The following COL5A1 variants were observed in gnomAD, a reference collection of about 807,000 sequenced individuals.
COL5A1 encodes collagen type V alpha 1 chain, also known as collagen alpha-1(V) chain.
Under a neutral mutation model 263.7 loss-of-function variants are expected in COL5A1, and 16 were observed. The observed-to-expected ratio is 0.06, with a 90% confidence interval of 0.04 to 0.09. The LOEUF (loss-of-function observed/expected upper bound fraction) is 0.09, where lower values mean the gene tolerates loss of function less well. COL5A1 is among the 10% of genes least tolerant of loss of function. The pLI is 1.00. For synonymous variants in COL5A1, 1,012 were observed against 1,004.5 expected (o/e 1.01, Z -0.14); for missense variants, 2,036 against 2,540.5 (o/e 0.80, Z 4.27).
chr9:134,742,133 A>G lies in COL5A1; in HGVS notation c.1494+3325A>G, dbSNP rs570223375. Among the ~76,000 whole-genome samples, 7 of 152,162 alleles carry G rather than the reference A, an allele frequency of 4.6e-5. No individual in the cohort carries two copies. The East Asian group carries it at 1.2e-3, about 25-fold the overall frequency. Reference sequence around the variant, plus strand: ...TGGCCCTGGGTGTTGCTTCCTTCACACACTCTGGTGAGCCCTGCACACTCT... The same window carrying G: ...TGGCCCTGGGTGTTGCTTCCTTCACGCACTCTGGTGAGCCCTGCACACTCT... On this transcript the variant is annotated intron_variant, in intron 11 of 65. Transcript: ENST00000371817. The surrounding 1 kb of genome is among the most constrained non-coding windows in gnomAD (Gnocchi z 4.6).
At chr9:134,784,602 G>A (rs549033563) in intron 29 of COL5A1, among the ~76,000 whole-genome samples, 6 of 152,386 alleles carry the variant, frequency 3.9e-5, no homozygotes, top group African/African-American at 1.4e-4. Flanking sequence ...AGCAGCAGCA[G>A]CTCCCAGTCA....
At chr9:134,733,090 G>T (rs1392608793) in intron 9 of COL5A1, among the ~76,000 whole-genome samples, 1 of 152,204 alleles carries the variant, frequency 6.6e-6, no homozygotes, top group African/African-American at 2.4e-5. Context: ...CAGTCATGAG[G>T]CTGGGGGCAG....
intron 1 of COL5A1, among the ~76,000 whole-genome samples, chr9:134,648,135 T>C (rs1831537762): frequency 6.6e-6 from 1 of 151,902 alleles, no homozygotes; most frequent in Non-Finnish European, 1.5e-5. Flanking sequence ...CCAGCCTACA[T>C]CTTTCTCCTG....
At position 134,821,904 on chromosome 9, in the gene COL5A1, G is replaced by A. The variant is rs1255820821; in HGVS notation, c.4555-193G>A. ...GAGGGCTGGCAGCCTTGGGGTGGAT[G>A]CTCAGGTCGATGGCTCCCCTGACAT... On this transcript the variant is annotated intron_variant, in intron 58 of 65. Coordinates refer to ENST00000371817, the MANE Select transcript of COL5A1 (RefSeq NM_000093.5). The surrounding 1 kb of genome is among the most constrained non-coding windows in gnomAD (Gnocchi z 4.2). 6.6e-6 allele frequency among the ~76,000 whole-genome samples: 1 copy of A among 152,222 alleles called. No homozygotes were observed. The highest frequency in any genetic ancestry group is 1.5e-5 in the Non-Finnish European group (1 of 68,050).
intron 1 of COL5A1, among the ~76,000 whole-genome samples, chr9:134,685,432 AT>A (rs1564386432): frequency 2.8e-5 from 1 of 36,254 alleles, no homozygotes; most frequent in African/African-American, 1.2e-4. Context: ...CCATCCATCC[AT>A]CCATCCATTG....
At chr9:134,661,848 C>A (rs1413725546) in intron 1 of COL5A1, among the ~76,000 whole-genome samples, 1 of 152,208 alleles carries the variant, frequency 6.6e-6, no homozygotes, top group African/African-American at 2.4e-5. Flanking sequence ...GTTCCTCCGA[C>A]CGCTTCTTCC....
chr9:134,774,992 G>T (rs546901510), intron 27 of COL5A1, 80 bp downstream of exon 27: 33 of 1,326,322 alleles, frequency 2.5e-5, no homozygotes, highest in Non-Finnish European at 3.4e-5. Context: ...TGGTTTTAGG[G>T]AATTCTCTGT....
chr9:134,776,208 C>T (rs545048731), intron 27 of COL5A1, among the ~76,000 whole-genome samples: 6 of 152,284 alleles, frequency 3.9e-5, no homozygotes, highest in Non-Finnish European at 7.4e-5. Context: ...CTTCTACCAG[C>T]AAAATGCCTA....
At chr9:134,718,660 T>C (rs1425783787) in intron 4 of COL5A1, among the ~76,000 whole-genome samples, 1 of 152,154 alleles carries the variant, frequency 6.6e-6, no homozygotes, top group Non-Finnish European at 1.5e-5. Context: ...CCACGGCCGT[T>C]CTGTGTGCAG....
intron 1 of COL5A1, among the ~76,000 whole-genome samples, chr9:134,655,327 G>T (rs1288288026): frequency 1.3e-5 from 2 of 151,956 alleles, no homozygotes; most frequent in Non-Finnish European, 2.9e-5. Flanking sequence ...GGGAGGCGGA[G>T]GTGGAGCTCA....
At position 134,830,008 on chromosome 9, in the gene COL5A1, G is replaced by C. The variant is rs371875408; in HGVS notation, c.5100G>C (p.Pro1700=). ...TCACTTCTTGGCCCAAAGAAAACCC[G>C]GGCTCCTGGTTCAGTGAATTCAAGC... is the stretch of plus-strand genomic sequence containing the variant. ...ARITSWPKEN[P]GSWFSEFKRG... Residue 1700 remains proline (P), a synonymous_variant, in exon 64 of 66, where the codon CCG becomes CCC. Coordinates refer to ENST00000371817, the MANE Select transcript of COL5A1 (RefSeq NM_000093.5). The C allele has an allele frequency of 6.2e-7, 1 of 1,613,948 alleles. No homozygotes were observed. Among genetic ancestry groups the C allele is most frequent in the South Asian group, 1.1e-5 (1 of 91,030 alleles).
At chr9:134,760,818 A>T (rs1836384712) in intron 18 of COL5A1, among the ~76,000 whole-genome samples, 1 of 144,676 alleles carries the variant, frequency 6.9e-6, no homozygotes, top group Non-Finnish European at 1.5e-5. Flanking sequence ...ACACCCCCAC[A>T]TGCATACACA....
intron 1 of COL5A1, among the ~76,000 whole-genome samples, chr9:134,658,713 CG>C (rs964953276): frequency 6.6e-6 from 1 of 152,026 alleles, no homozygotes; most frequent in Admixed American, 6.5e-5. Context: ...TGGAGGGTGG[CG>C]GGGGGTGGGG....
intron 63 of COL5A1, among the ~76,000 whole-genome samples, chr9:134,826,845 GGTGTGTGGGT>G (rs574944731): frequency 4.2e-3 from 631 of 151,530 alleles, no homozygotes; most frequent in Middle Eastern, 0.01. Flanking sequence ...ATGTGTATAT[GGTGTGTGGGT>G]GTGTGTGGCT....
chr9:134,710,135 C>T (rs1192227632), intron 4 of COL5A1, among the ~76,000 whole-genome samples: 4 of 152,234 alleles, frequency 2.6e-5, no homozygotes, highest in Non-Finnish European at 4.4e-5. Flanking sequence ...ACCTCAGTTT[C>T]CTCAGCTGGA....
In COL5A1 at chr9:134,757,853, A is replaced by G. The variant is rs552515427; in HGVS notation, c.1882-390A>G. On this transcript the variant is annotated intron_variant, in intron 17 of 65. Coordinates refer to ENST00000371817, the MANE Select transcript of COL5A1 (RefSeq NM_000093.5). This position sits in a 1 kb window ranked among gnomAD's most constrained non-coding sequence, Gnocchi z 6.2. ...TGAGCGCGGGCAGCCCCTCGGCACCATGGATACAGCTGTGAGCGGACACAC... is the reference window on the plus strand; with the variant it reads ...TGAGCGCGGGCAGCCCCTCGGCACCGTGGATACAGCTGTGAGCGGACACAC... Among the ~76,000 whole-genome samples, 2 of 152,070 alleles carry G rather than the reference A, an allele frequency of 1.3e-5. No individual in the cohort carries two copies. Among genetic ancestry groups the G allele is most frequent in the African/African-American group, 4.8e-5 (2 of 41,410 alleles).
At chr9:134,674,923 C>A (rs1229879529) in intron 1 of COL5A1, among the ~76,000 whole-genome samples, 1 of 152,096 alleles carries the variant, frequency 6.6e-6, no homozygotes, top group Non-Finnish European at 1.5e-5. Flanking sequence ...ATAAATTATA[C>A]CTCCATGAAC....
chr9:134,782,838 G>A lies in COL5A1; in HGVS notation c.2484+118G>A, dbSNP rs55633279. ...CTTCTCAGAATGGAGGTAAACTCTTGGTAGAGATTCCTGGTGGGAAGGGGA... is the reference window on the plus strand; with the variant it reads ...CTTCTCAGAATGGAGGTAAACTCTTAGTAGAGATTCCTGGTGGGAAGGGGA... On this transcript the variant is annotated intron_variant, in intron 29 of 65. Coordinates refer to ENST00000371817, the MANE Select transcript of COL5A1 (RefSeq NM_000093.5). 60,591 of 1,017,936 alleles carry A rather than the reference G, an allele frequency of 0.06. 2,651 individuals are homozygous for A. Among genetic ancestry groups the A allele is most frequent in the African/African-American group, 0.19 (12,184 of 63,576 alleles). 63.1% of individuals were successfully genotyped at this position (1,017,936 alleles called of 1,614,324 possible).
Position 134,794,429 on chromosome 9 carries a change from G to A in COL5A1, c.2701-653G>A, listed in dbSNP as rs141981300. On this transcript the variant is annotated intron_variant, in intron 32 of 65. Coordinates refer to ENST00000371817, the MANE Select transcript of COL5A1 (RefSeq NM_000093.5). This position sits in a 1 kb window ranked among gnomAD's most constrained non-coding sequence, Gnocchi z 4.3. ...CCTGCGTGTTCAGCCCGTGGCTTCCGTGTAATGTAGCTTAACTACATTTTC... is the reference window on the plus strand; with the variant it reads ...CCTGCGTGTTCAGCCCGTGGCTTCCATGTAATGTAGCTTAACTACATTTTC... Among the ~76,000 whole-genome samples the A allele has an allele frequency of 9.0e-4, 137 of 152,226 alleles. No homozygotes were observed. Among genetic ancestry groups the A allele is most frequent in the African/African-American group, 3.2e-3 (132 of 41,536 alleles).
Sources: gnomAD v4.1 joint callset for allele counts (sites outside exome capture counted in the v4.1 genomes callset) on GRCh38, gnomAD v4.1.1 for gene constraint, Gnocchi (gnomAD v3.1) non-coding constraint, MANE v1.5 for transcripts, NCBI Gene and HGNC (gene_info 2026-07-23, HGNC 2026-07-21) for gene names.